The following TMEM200A variants were observed in gnomAD, a reference collection of about 807,000 sequenced individuals.
TMEM200A encodes two transmembrane C.
TMEM200A carries 12 observed loss-of-function variants against 24.3 expected under a neutral mutation model. The observed-to-expected ratio is 0.49, with a 90% CI of 0.32 to 0.80. The LOEUF (loss-of-function observed/expected upper bound fraction) is 0.80. Among genes scored for constraint, TMEM200A ranks in the 30% least tolerant of loss-of-function variants. The pLI, the probability that TMEM200A is intolerant of heterozygous loss-of-function variation, is 0.04. For synonymous variants in TMEM200A, 224 were observed against 224.4 expected (o/e 1.00, Z 0.02); for missense variants, 545 against 614.4 (o/e 0.89, Z 1.19).
chr6:130,387,111 T>C (rs1260311025), intron 2 of TMEM200A, among the ~76,000 whole-genome samples: 1 of 152,238 alleles, frequency 6.6e-6, no homozygotes, highest in Non-Finnish European at 1.5e-5. Context: ...AATATGTGTT[T>C]CTTATATGAA....
At chr6:130,373,678 G>T (rs1778372919) in intron 1 of TMEM200A, among the ~76,000 whole-genome samples, 1 of 152,046 alleles carries the variant, frequency 6.6e-6, no homozygotes, top group South Asian at 2.1e-4. Flanking sequence ...GTGCATAAGG[G>T]TTATAAATGC....
At chr6:130,402,996 G>A (rs1000341350) in intron 2 of TMEM200A, among the ~76,000 whole-genome samples, 1 of 151,906 alleles carries the variant, frequency 6.6e-6, no homozygotes, top group Non-Finnish European at 1.5e-5. Flanking sequence ...CTTGCCTCCA[G>A]TTACCACTCT....
chr6:130,382,213 G>A (rs1778615703), intron 1 of TMEM200A, among the ~76,000 whole-genome samples: 1 of 152,136 alleles, frequency 6.6e-6, no homozygotes, highest in Non-Finnish European at 1.5e-5. Flanking sequence ...GGAGGTTGGT[G>A]GGGGGCAGTA....
intron 2 of TMEM200A, among the ~76,000 whole-genome samples, chr6:130,402,084 A>C (rs932890445): frequency 2.0e-5 from 3 of 151,656 alleles, no homozygotes; most frequent in Admixed American, 6.6e-5. Flanking sequence ...AAAAAAAAAA[A>C]ACCTTAAGGC....
At chr6:130,391,794 G>A (rs1778839641) in intron 2 of TMEM200A, among the ~76,000 whole-genome samples, 1 of 132,674 alleles carries the variant, frequency 7.5e-6, no homozygotes. Context: ...CCAGGCTAGA[G>A]TGCAGTGGCA....
chr6:130,441,099 T>C lies in TMEM200A; in HGVS notation c.677T>C (p.Val226Ala), dbSNP rs1562576522. 1 of 1,614,036 alleles carries C rather than the reference T, an allele frequency of 6.2e-7. No homozygotes were observed. The highest frequency in any genetic ancestry group is 8.5e-7 in the Non-Finnish European group (1 of 1,179,998). ...FRSSFRMDSSVEEDELMLNEG... is the reference protein window; with the variant it reads ...FRSSFRMDSSAEEDELMLNEG... ...AGCAGTTTTCGAATGGACAGCTCCG[T>C]GGAGGAGGATGAACTTATGTTAAAT... The change falls in exon 3 of 3, where the codon GTG (valine) becomes GCG (alanine). Residue 226 changes from valine to alanine, a missense_variant. Val to Ala is a moderately conservative substitution (Grantham distance 64). Transcript: ENST00000296978.
chr6:130,377,993 G>T (rs1016075704), intron 1 of TMEM200A, among the ~76,000 whole-genome samples: 1 of 152,162 alleles, frequency 6.6e-6, no homozygotes, highest in Non-Finnish European at 1.5e-5. Context: ...CTGTGAAGGA[G>T]TGTGCCGCAG....
At chr6:130,373,149 C>G (rs1335691619) in intron 1 of TMEM200A, among the ~76,000 whole-genome samples, 3 of 152,262 alleles carry the variant, frequency 2.0e-5, no homozygotes, top group African/African-American at 7.2e-5. Context: ...TGTCTCTAAG[C>G]TGAGGTTGGC....
At chr6:130,426,607 G>T (rs565193822) in intron 2 of TMEM200A, among the ~76,000 whole-genome samples, 6 of 152,066 alleles carry the variant, frequency 3.9e-5, no homozygotes, top group Non-Finnish European at 8.8e-5. Context: ...AAGTTGTAAG[G>T]TTAGAGCAAG....
At chr6:130,432,642 A>T (rs1353707798) in intron 2 of TMEM200A, among the ~76,000 whole-genome samples, 1 of 152,254 alleles carries the variant, frequency 6.6e-6, no homozygotes, top group Non-Finnish European at 1.5e-5. Flanking sequence ...TGAGCTATGA[A>T]GAGTTAGTAA....
chr6:130,397,362 G>GT (rs941691933), intron 2 of TMEM200A, among the ~76,000 whole-genome samples: 4 of 151,906 alleles, frequency 2.6e-5, no homozygotes, highest in South Asian at 2.1e-4. Flanking sequence ...ACAAGGATCA[G>GT]TTTTTTTTGT....
chr6:130,430,454 G>T (rs570686345), intron 2 of TMEM200A, among the ~76,000 whole-genome samples: 1 of 152,228 alleles, frequency 6.6e-6, no homozygotes, highest in African/African-American at 2.4e-5. Flanking sequence ...TTTAAAAATT[G>T]AAAATCTATG....
At chr6:130,428,969 A>T (rs1319322075) in intron 2 of TMEM200A, among the ~76,000 whole-genome samples, 3 of 152,164 alleles carry the variant, frequency 2.0e-5, no homozygotes, top group South Asian at 4.1e-4. Context: ...ATACCAATAT[A>T]CAATAGAAAC....
intron 1 of TMEM200A, chr6:130,383,007 CTG>C: frequency 3.0e-6 from 3 of 984,894 alleles, no homozygotes; most frequent in Non-Finnish European, 3.6e-6. Context: ...ACCCAAGGGG[CTG>C]TGTGAGTTCC....
At position 130,401,401 on chromosome 6, in the gene TMEM200A, CTTTT is replaced by C. The variant is rs1779080402; in HGVS notation, c.-17+16167_-17+16170del. Among the ~76,000 whole-genome samples, 6 of 80,594 alleles carry C rather than the reference CTTTT, an allele frequency of 7.4e-5. 2 individuals carry two copies. The highest frequency in any genetic ancestry group is 7.0e-4 in the Admixed American group (6 of 8,518). The allele number at this position is 80,594 out of a possible 152,430, so 52.9% of individuals were successfully genotyped here. A position where few individuals can be genotyped will look rare whatever the true frequency, so the allele number is the denominator to read the frequency against. ...TGCTTGCTTGCTTGCTTCTTTCTTTCTTTTTCTTTCTTTCTCTTTCTTTCTTTCT... is the reference window on the plus strand; with the variant it reads ...TGCTTGCTTGCTTGCTTCTTTCTTTCTCTTTCTTTCTCTTTCTTTCTTTCT... On this transcript the variant is annotated intron_variant, in intron 2 of 2. Coordinates refer to ENST00000296978, the MANE Select transcript of TMEM200A (RefSeq NM_001258277.2).
Position 130,441,603 on chromosome 6 carries a change from A to C in TMEM200A, c.1181A>C (p.His394Pro), listed in dbSNP as rs765905737. The change falls in exon 3 of 3, where the codon CAC (histidine) becomes CCC (proline). Residue 394 changes from histidine (H) to proline (P), a missense_variant. Coordinates refer to ENST00000296978, the MANE Select transcript of TMEM200A (RefSeq NM_001258277.2). Reference protein sequence around the residue: ...SNTSLHLLSSHSKSLDLDRGP... With the variant: ...SNTSLHLLSSPSKSLDLDRGP... ...ACATCCTTGCATTTGCTCTCGTCAC[A>C]CTCAAAGTCCTTGGACTTAGACCGG... is the stretch of plus-strand genomic sequence containing the variant. The C allele has an allele frequency of 6.2e-7, 1 of 1,613,976 alleles. No homozygotes were observed. Among genetic ancestry groups the C allele is most frequent in the Non-Finnish European group, 8.5e-7 (1 of 1,179,984 alleles).
At chr6:130,382,225 G>A (rs1778616216) in intron 1 of TMEM200A, among the ~76,000 whole-genome samples, 1 of 152,212 alleles carries the variant, frequency 6.6e-6, no homozygotes, top group Non-Finnish European at 1.5e-5. Context: ...GGGGCAGTAT[G>A]AAAGGCCATG....
At chr6:130,416,695 A>AT (rs1459806826) in intron 2 of TMEM200A, among the ~76,000 whole-genome samples, 1 of 151,984 alleles carries the variant, frequency 6.6e-6, no homozygotes, top group African/African-American at 2.4e-5. Context: ...TCCTACATCT[A>AT]TTTTTTGCCC....
Position 130,442,121 on chromosome 6 carries a change from A to G in TMEM200A, c.*223A>G. ...GATTTTATTTTTCTCTTCCTTTGAA[A>G]GCATGATCTCTTTTATTAATATGAA... is the stretch of plus-strand genomic sequence containing the variant. On this transcript the variant is annotated 3_prime_UTR_variant, in exon 3 of 3. Coordinates refer to ENST00000296978, the MANE Select transcript of TMEM200A (RefSeq NM_001258277.2). The G allele has an allele frequency of 2.5e-6, 1 of 408,062 alleles. No homozygotes were observed. 25.3% of individuals were successfully genotyped at this position (408,062 alleles called of 1,614,324 possible). A position where few individuals can be genotyped will look rare whatever the true frequency, so the allele number is the denominator to read the frequency against.
Sources: gnomAD v4.1 joint callset for allele counts (sites outside exome capture counted in the v4.1 genomes callset) on GRCh38, gnomAD v4.1.1 for gene constraint, MANE v1.5 for transcripts, NCBI Gene and HGNC (gene_info 2026-07-23, HGNC 2026-07-21) for gene names.